Variants in ABCB11 observed in about 807,000 individuals in gnomAD.
ABCB11 encodes ATP binding cassette subfamily B member 11.
Under a neutral mutation model 148.0 loss-of-function variants are expected in ABCB11, and 95 were observed. The observed-to-expected ratio is 0.64, with a 90% confidence interval of 0.54 to 0.76. ABCB11 has a LOEUF of 0.76. ABCB11 is among the 30% of genes least tolerant of loss of function. The pLI is 0.00. For missense variants in ABCB11, 1,523 were observed against 1,617.8 expected, an observed-to-expected ratio of 0.94 and a Z score of 1.01; for synonymous variants, 591 against 555.4, an observed-to-expected ratio of 1.06 and a Z score of -0.90.
chr2:168,949,567 A>G (rs935429955), intron 19 of ABCB11, among the ~76,000 whole-genome samples: 1 of 151,668 alleles, frequency 6.6e-6, no homozygotes, highest in African/African-American at 2.4e-5. Context: ...ATTCCATGGT[A>G]TATCGTATTT....
rs376258647 is a variant in ABCB11, at chr2:168,986,131, A to G, written c.1062T>C (p.Tyr354=). The change falls in exon 10 of 28, where the codon TAT becomes TAC. Residue 354 remains tyrosine (Y), a synonymous_variant. Coordinates refer to ENST00000650372, the MANE Select transcript of ABCB11 (RefSeq NM_003742.4). ...GSTLVLDEGE[Y]TPGTLVQIFL... is the part of the protein sequence containing the mutation. ...GTACCTGGACAAGGGTTCCTGGTGTATATTCTCCTTCATCCAGGACAAGTG... is the reference window on the plus strand; with the variant it reads ...GTACCTGGACAAGGGTTCCTGGTGTGTATTCTCCTTCATCCAGGACAAGTG... The G allele has an allele frequency of 1.1e-4, 174 of 1,611,298 alleles. 1 individual carries two copies. Among genetic ancestry groups the G allele is most frequent in the Non-Finnish European group, 1.2e-4 (147 of 1,178,662 alleles).
At chr2:168,932,640 A>G in intron 23 of ABCB11, 107 bp from the exon 24 acceptor site, 1 of 1,360,730 alleles carries the variant, frequency 7.3e-7, no homozygotes, top group Admixed American at 2.3e-5. Flanking sequence ...GGAAAGGACC[A>G]AATATCCTTG....
At position 168,936,163 on chromosome 2, in the gene ABCB11, G is replaced by A. The variant is rs187097404; in HGVS notation, c.2814+67C>T. On this transcript the variant is annotated intron_variant, in intron 22 of 27. Coordinates refer to ENST00000650372, the MANE Select transcript of ABCB11 (RefSeq NM_003742.4). ...TTCCTTCAGTCTCTTCGTACTACTC[G>A]TTTTTAACAGTTTGTCTGATAGCCA... is the stretch of plus-strand genomic sequence containing the variant. The A allele has an allele frequency of 3.3e-4, 490 of 1,476,134 alleles. 4 individuals are homozygous for A. In the East Asian group the frequency reaches 0.01, roughly 30 times the overall value. 91.4% of individuals were successfully genotyped at this position (1,476,134 alleles called of 1,614,324 possible). A position where few individuals can be genotyped will look rare whatever the true frequency, so the allele number is the denominator to read the frequency against.
At chr2:168,964,851 A>T (rs940199338) in intron 17 of ABCB11, among the ~76,000 whole-genome samples, 1 of 151,808 alleles carries the variant, frequency 6.6e-6, no homozygotes, top group Non-Finnish European at 1.5e-5. Flanking sequence ...GTTGAAATAT[A>T]ATTTAGCTCA....
chr2:168,924,283 GA>G (rs1691207649), intron 27 of ABCB11, among the ~76,000 whole-genome samples: 1 of 152,112 alleles, frequency 6.6e-6, no homozygotes, highest in Non-Finnish European at 1.5e-5. Flanking sequence ...CCACACATCA[GA>G]TATCACCTCT....
At chr2:168,999,207 T>C (rs949659319) in intron 5 of ABCB11, among the ~76,000 whole-genome samples, 6 of 152,036 alleles carry the variant, frequency 3.9e-5, no homozygotes, top group African/African-American at 1.4e-4. Context: ...AGAGACGTTT[T>C]ACAAATTATT....
Position 168,927,298 on chromosome 2 carries a change from AC to A in ABCB11, c.3475del (p.Val1159PhefsTer12). On this transcript the variant is annotated frameshift_variant, in exon 26 of 28. Transcript: ENST00000650372. LOFTEE classifies it high-confidence loss of function. ...VQFLRSNIGI[V>X]SQEPVLFACS... ...GGCAAACAACACTGGTTCCTGGGAAACAATTCCAATGTTTGAGCGGAGGAAC... is the reference window on the plus strand; with the variant it reads ...GGCAAACAACACTGGTTCCTGGGAAAAATTCCAATGTTTGAGCGGAGGAAC... 1 of 1,613,956 alleles carries A rather than the reference AC, an allele frequency of 6.2e-7. No individual in the cohort carries two copies. The highest frequency in any genetic ancestry group is 8.5e-7 in the Non-Finnish European group (1 of 1,179,834).
At chr2:168,998,603 ATAACT>A (rs3841893) in intron 5 of ABCB11, among the ~76,000 whole-genome samples, 68,625 of 151,430 alleles carry the variant, frequency 0.45, 16,078 homozygotes, top group South Asian at 0.56. Context: ...ATAACAATAA[ATAACT>A]TAAATTTCCT....
At chr2:169,012,567 C>T (rs930304630) in intron 5 of ABCB11, among the ~76,000 whole-genome samples, 8 of 151,738 alleles carry the variant, frequency 5.3e-5, no homozygotes, top group African/African-American at 1.9e-4. Flanking sequence ...TGGTGAAACC[C>T]CATCTCTACT....
Position 168,958,480 on chromosome 2 carries a change from G to A in ABCB11, c.2179-352C>T, listed in dbSNP as rs139153774. On this transcript the variant is annotated intron_variant, in intron 18 of 27. Transcript: ENST00000650372. ...CCTTTGCTACGGTTGTATTTATACC[G>A]GTGAGGACTGGTGAAATTTTCAATT... is the stretch of plus-strand genomic sequence containing the variant. 7.9e-5 allele frequency among the ~76,000 whole-genome samples: 12 copies of A among 151,632 alleles called. No homozygotes were observed. The South Asian group carries it at 8.3e-4, about 11-fold the overall frequency.
rs537488771 is a variant in ABCB11, at chr2:168,973,288, C to T, written c.1434+427G>A. Among the ~76,000 whole-genome samples, 20 of 119,830 alleles carry T rather than the reference C, an allele frequency of 1.7e-4. No individual in the cohort carries two copies. In the South Asian group the frequency reaches 4.8e-3, roughly 29 times the overall value. The allele number at this position is 119,830 out of a possible 152,430, so 78.6% of individuals were successfully genotyped here. ...TGGCAAACATCACAGTGTAGTTACA[C>T]AAATTTAGATGGTATATATATATTT... On this transcript the variant is annotated intron_variant, in intron 13 of 27. Transcript: ENST00000650372.
chr2:169,006,389 C>G (rs1375821702), intron 5 of ABCB11, among the ~76,000 whole-genome samples: 1 of 151,982 alleles, frequency 6.6e-6, no homozygotes. Flanking sequence ...AAGGGAATTC[C>G]TCAACATAAT....
Position 168,929,996 on chromosome 2 carries a change from G to T in ABCB11, c.3411+669C>A, listed in dbSNP as rs941435349. On this transcript the variant is annotated intron_variant, in intron 25 of 27. Transcript: ENST00000650372. Reference sequence around the variant, plus strand: ...AGTTGCCTTTGAGCAGAGAAATGTGGAGTGGGAGTGTAAGCATAAAGCAGG... The same window carrying T: ...AGTTGCCTTTGAGCAGAGAAATGTGTAGTGGGAGTGTAAGCATAAAGCAGG... Among the ~76,000 whole-genome samples the T allele has an allele frequency of 2.0e-5, 3 of 152,132 alleles. No individual in the cohort carries two copies. The East Asian group carries it at 5.8e-4, about 29-fold the overall frequency.
chr2:168,946,703 C>T (rs1692339280), intron 19 of ABCB11, among the ~76,000 whole-genome samples: 1 of 151,746 alleles, frequency 6.6e-6, no homozygotes. Flanking sequence ...AGCAGATTTT[C>T]CCATTTAACT....
rs2105968343 is a variant in ABCB11, at chr2:168,973,826, G to A, written c.1323C>T (p.Leu441=). ...TTTCCCCTGGTTTAATGACCATGTT[G>A]AGGTCATTTAGAATCTGGAGAAGAA... ...SRPEVKILND[L]NMVIKPGEMT... is the part of the protein sequence containing the mutation. The change falls in exon 13 of 28, where the codon CTC becomes CTT. Residue 441 remains leucine (L), a synonymous_variant. Coordinates refer to ENST00000650372, the MANE Select transcript of ABCB11 (RefSeq NM_003742.4). 2 of 1,611,410 alleles carry A rather than the reference G, an allele frequency of 1.2e-6. No homozygotes were observed. The highest frequency in any genetic ancestry group is 8.5e-7 in the Non-Finnish European group (1 of 1,178,142).
At chr2:168,991,814 G>T (rs1275334639) in intron 8 of ABCB11, among the ~76,000 whole-genome samples, 1 of 148,684 alleles carries the variant, frequency 6.7e-6, no homozygotes, top group Non-Finnish European at 1.5e-5. Context: ...AATTAAACAT[G>T]TAACAGTAAG....
intron 19 of ABCB11, among the ~76,000 whole-genome samples, chr2:168,956,590 C>G (rs1263926974): frequency 6.6e-6 from 1 of 151,588 alleles, no homozygotes; most frequent in Non-Finnish European, 1.5e-5. Flanking sequence ...TAGACCACAA[C>G]AGCATGGCAG....
rs759615191 is a variant in ABCB11, at chr2:168,986,122, T to A, written c.1071A>T (p.Gly357=). 3 of 1,608,050 alleles carry A rather than the reference T, an allele frequency of 1.9e-6. No individual in the cohort carries two copies. Among genetic ancestry groups the A allele is most frequent in the Non-Finnish European group, 2.5e-6 (3 of 1,176,852 alleles). The change falls in exon 10 of 28, where the codon GGA becomes GGT. Residue 357 remains glycine (G), a synonymous_variant. Coordinates refer to ENST00000650372, the MANE Select transcript of ABCB11 (RefSeq NM_003742.4). ...LVLDEGEYTP[G]TLVQIFLSVI... Reference sequence around the variant, plus strand: ...AAGTCCAAGGTACCTGGACAAGGGTTCCTGGTGTATATTCTCCTTCATCCA... The same window carrying A: ...AAGTCCAAGGTACCTGGACAAGGGTACCTGGTGTATATTCTCCTTCATCCA...
chr2:168,998,818 T>G (rs1173713417), intron 5 of ABCB11, among the ~76,000 whole-genome samples: 1 of 152,110 alleles, frequency 6.6e-6, no homozygotes, highest in Non-Finnish European at 1.5e-5. Context: ...CTCTCTTCAC[T>G]CCTGCGGTGT....
Sources: gnomAD v4.1 joint callset for allele counts (sites outside exome capture counted in the v4.1 genomes callset) on GRCh38, gnomAD v4.1.1 for gene constraint, MANE v1.5 for transcripts, NCBI Gene and HGNC (gene_info 2026-07-23, HGNC 2026-07-21) for gene names.